DTNB: variants seen among roughly 807,000 people sequenced by gnomAD.
The protein encoded by DTNB is dystrobrevin beta.
In DTNB, 63 loss-of-function variants were observed where a neutral mutation model predicts 90.7. The ratio of observed to expected loss-of-function variants is 0.69; its 90% CI spans 0.57 to 0.86. The LOEUF (loss-of-function observed/expected upper bound fraction) is 0.86, where lower values mean the gene tolerates loss of function less well. DTNB is among the 40% of genes least tolerant of loss of function. The pLI is 0.00. For missense variants in DTNB, 744 were observed against 807.1 expected (o/e 0.92, Z 0.95); for synonymous variants, 277 against 286.7 (o/e 0.97, Z 0.34).
At chr2:25,462,759 A>G (rs1332456417) in intron 10 of DTNB, among the ~76,000 whole-genome samples, 4 of 151,138 alleles carry the variant, frequency 2.6e-5, no homozygotes, top group Admixed American at 1.3e-4. Flanking sequence ...ACTGGAGTGC[A>G]GTGGCGGGAT....
chr2:25,626,129 C>T (rs2074105105), intron 4 of DTNB, among the ~76,000 whole-genome samples: 1 of 152,082 alleles, frequency 6.6e-6, no homozygotes, highest in South Asian at 2.1e-4. Flanking sequence ...GACTAAAGCG[C>T]CATAGTATTT....
rs530306312 is a variant in DTNB at position 25,415,476 on chromosome 2, A to C, written c.1575+4039T>G. ...TGGCCAGGCTGGACCAGAGTTTCTA[A>C]AACCCGTGGAATCTCCAGAGTGATA... On this transcript the variant is annotated intron_variant, in intron 16 of 20. Coordinates refer to ENST00000406818, the MANE Select transcript of DTNB (RefSeq NM_021907.5). 8.0e-4 allele frequency among the ~76,000 whole-genome samples: 121 copies of C among 152,144 alleles called. 2 individuals carry two copies. In the South Asian group the frequency reaches 0.024, roughly 30 times the overall value.
chr2:25,482,755 C>A (rs1439112581), intron 10 of DTNB, 41 bp downstream of exon 10: 1 of 1,599,660 alleles, frequency 6.3e-7, no homozygotes, highest in African/African-American at 1.3e-5. Flanking sequence ...AAATCAGTAG[C>A]AGAGGCCAAC....
intron 8 of DTNB, among the ~76,000 whole-genome samples, chr2:25,575,457 A>C (rs991554087): frequency 6.6e-6 from 1 of 152,140 alleles, no homozygotes; most frequent in Non-Finnish European, 1.5e-5. Flanking sequence ...CAACACAACA[A>C]GACCCAGGAT....
rs1182591207 is a variant in DTNB, at chr2:25,634,382, T to TG, written c.148+4631dup. Among the ~76,000 whole-genome samples, 23 of 71,438 alleles carry TG rather than the reference T, an allele frequency of 3.2e-4. 1 individual carries two copies. The East Asian group carries it at 5.1e-3, about 16-fold the overall frequency. The allele number at this position is 71,438 out of a possible 152,430, so 46.9% of individuals were successfully genotyped here. A position where few individuals can be genotyped will look rare whatever the true frequency, so the allele number is the denominator to read the frequency against. Reference sequence around the variant, plus strand: ...CCAGCCGCCCCGTCCGGGAGGGAGGTGGGGGGGTCAGCCCCCCCGCCCGGC... The same window carrying TG: ...CCAGCCGCCCCGTCCGGGAGGGAGGTGGGGGGGGTCAGCCCCCCCGCCCGGC... On this transcript the variant is annotated intron_variant, in intron 3 of 20. Coordinates refer to ENST00000406818, the MANE Select transcript of DTNB (RefSeq NM_021907.5).
At chr2:25,493,588 T>C (rs1442930743) in intron 9 of DTNB, among the ~76,000 whole-genome samples, 3 of 152,208 alleles carry the variant, frequency 2.0e-5, no homozygotes, top group African/African-American at 2.4e-5. Flanking sequence ...CCTTCATAGA[T>C]TGGCCAAAGT....
At chr2:25,664,376 A>G (rs1308434826) in intron 1 of DTNB, among the ~76,000 whole-genome samples, 1 of 152,206 alleles carries the variant, frequency 6.6e-6, no homozygotes, top group African/African-American at 2.4e-5. Context: ...CCATCTGTCT[A>G]TTTAGCAAAG....
Position 25,665,275 on chromosome 2 carries a change from G to T in DTNB, c.-2+8111C>A, listed in dbSNP as rs538964755. ...CCAAGTATTGAAATTTCTTATGTAA[G>T]TTCACCACCTCCCACCATCTCCCTG... On this transcript the variant is annotated intron_variant, in intron 1 of 20. Coordinates refer to ENST00000406818, the MANE Select transcript of DTNB (RefSeq NM_021907.5). 3.3e-5 allele frequency among the ~76,000 whole-genome samples: 5 copies of T among 152,218 alleles called. No individual in the cohort carries two copies. In the East Asian group the frequency reaches 5.8e-4, roughly 18 times the overall value.
intron 4 of DTNB, among the ~76,000 whole-genome samples, chr2:25,627,626 C>T (rs968941140): frequency 2.0e-4 from 31 of 152,044 alleles, no homozygotes; most frequent in Admixed American, 1.4e-3. Context: ...CCAAACAATA[C>T]ATCTCAAATG....
intron 16 of DTNB, among the ~76,000 whole-genome samples, chr2:25,414,021 T>C (rs1459739497): frequency 6.6e-6 from 1 of 152,218 alleles, no homozygotes; most frequent in African/African-American, 2.4e-5. Context: ...TGCATTTCTC[T>C]GATGGCCAGT....
At chr2:25,409,031 C>G (rs1205334257) in intron 16 of DTNB, among the ~76,000 whole-genome samples, 17 of 152,156 alleles carry the variant, frequency 1.1e-4, no homozygotes, top group Admixed American at 1.1e-3. Context: ...GCAGGTGAGC[C>G]ACAGGAGAAG....
intron 8 of DTNB, among the ~76,000 whole-genome samples, chr2:25,533,258 C>G (rs775418976): frequency 6.6e-6 from 1 of 152,106 alleles, no homozygotes; most frequent in Non-Finnish European, 1.5e-5. Context: ...CCCGGGCCGA[C>G]GAGGCTGCAG....
intron 4 of DTNB, among the ~76,000 whole-genome samples, chr2:25,614,377 A>T (rs1207398500): frequency 6.6e-6 from 1 of 152,214 alleles, no homozygotes; most frequent in Non-Finnish European, 1.5e-5. Flanking sequence ...GAAGTAAAGA[A>T]ATAAAACTGT....
chr2:25,627,751 T>G (rs945383680), intron 4 of DTNB, among the ~76,000 whole-genome samples: 8 of 151,694 alleles, frequency 5.3e-5, no homozygotes, highest in African/African-American at 1.9e-4. Context: ...TTTTTTTTTT[T>G]TTTAAGACAA....
At chr2:25,408,538 C>CA (rs11395783) in intron 16 of DTNB, among the ~76,000 whole-genome samples, 17,689 of 32,372 alleles carry the variant, frequency 0.55, 5,461 homozygotes, top group East Asian at 0.74. Context: ...GACTCCATCT[C>CA]AAAAAAAAAA....
intron 8 of DTNB, among the ~76,000 whole-genome samples, chr2:25,576,216 G>GTTT (rs1417305794): frequency 4.6e-5 from 6 of 130,270 alleles, no homozygotes; most frequent in African/African-American, 1.2e-4. Context: ...CCCTTGAACA[G>GTTT]TTTTGTTTTT....
At chr2:25,399,350 C>CTTTTTTTTTTTTTTTTTTTT (rs774817421) in intron 16 of DTNB, 1 of 119,954 alleles carries the variant, frequency 8.3e-6, no homozygotes. Flanking sequence ...CGCCCCTGAC[C>CTTTTTTTTTTTTTTTTTTTT]TTTTTTTTTT....
At chr2:25,618,951 A>G (rs2071607582) in intron 4 of DTNB, among the ~76,000 whole-genome samples, 1 of 152,208 alleles carries the variant, frequency 6.6e-6, no homozygotes, top group African/African-American at 2.4e-5. Context: ...CACCCTGAAT[A>G]AACGCTGTTA....
intron 5 of DTNB, among the ~76,000 whole-genome samples, chr2:25,604,609 T>A (rs2066675711): frequency 6.6e-6 from 1 of 152,168 alleles, no homozygotes; most frequent in South Asian, 2.1e-4. Flanking sequence ...TTATTTATTT[T>A]TTTGAGACAG....
Sources: allele counts gnomAD v4.1 joint callset (sites outside exome capture counted in the v4.1 genomes callset), GRCh38; gene constraint gnomAD v4.1.1; transcripts MANE v1.5; gene names NCBI Gene and HGNC (gene_info 2026-07-23, HGNC 2026-07-21).